The following ENDOV variants were observed in gnomAD, a reference collection of about 807,000 sequenced individuals.
The protein encoded by ENDOV is hEndoV.
ENDOV carries 37 observed loss-of-function variants against 39.4 expected under a neutral mutation model. The observed-to-expected ratio is 0.94, with a 90% CI of 0.72 to 1.23. ENDOV has a LOEUF of 1.23. Ranked by LOEUF, ENDOV falls within the 50% of genes most tolerant of loss-of-function variation. The probability of loss-of-function intolerance (pLI) is 0.00; values close to 1 mark genes in which losing one functional copy is unlikely to be tolerated. For missense variants in ENDOV, 441 were observed against 375.7 expected (o/e 1.17, Z -1.44); for synonymous variants, 186 against 163.4 (o/e 1.14, Z -1.05).
intron 5 of ENDOV, among the ~76,000 whole-genome samples, chr17:80,424,729 G>A (rs2082473057): frequency 6.6e-6 from 1 of 152,192 alleles, no homozygotes; most frequent in South Asian, 2.1e-4. Context: ...GCCGAAGTGG[G>A]TGGATCACGC....
intron 9 of ENDOV, 46 bp from the exon 10 acceptor site, chr17:80,436,087 C>T: frequency 1.9e-6 from 3 of 1,602,386 alleles, no homozygotes; most frequent in Non-Finnish European, 2.6e-6. Context: ...CTCTGAACGC[C>T]TTTTATTTCT....
rs372176181 is a variant in ENDOV at position 80,425,093 on chromosome 17, T to C, written c.578T>C (p.Leu193Pro). 16 of 1,608,718 alleles carry C rather than the reference T, an allele frequency of 9.9e-6. No homozygotes were observed. Among genetic ancestry groups the C allele is most frequent in the African/African-American group, 5.3e-5 (4 of 74,776 alleles). Reference protein sequence around the residue: ...FPLLGDSGTVLGMALRSHDRS... With the variant: ...FPLLGDSGTVPGMALRSHDRS... ...CTGCTGGGAGACTCTGGGACTGTCC[T>C]GGGAATGGTGAGTAGCTAGGGCCCT... Residue 193 changes from leucine (L) to proline (P), a missense_variant, in exon 6 of 10, where the codon CTG becomes CCG. Transcript: ENST00000518137.
intron 9 of ENDOV, among the ~76,000 whole-genome samples, chr17:80,434,996 A>G (rs2083518018): frequency 6.6e-6 from 1 of 152,182 alleles, no homozygotes; most frequent in Non-Finnish European, 1.5e-5. Context: ...CTGATGGCTA[A>G]TGGTGGTGAG....
At chr17:80,422,995 G>A (rs1398359562) in intron 4 of ENDOV, among the ~76,000 whole-genome samples, 1 of 152,096 alleles carries the variant, frequency 6.6e-6, no homozygotes, top group Non-Finnish European at 1.5e-5. Context: ...CACCGCGCCC[G>A]GCCTAGGGAG....
chr17:80,429,177 G>A (rs1245567925), intron 8 of ENDOV, among the ~76,000 whole-genome samples: 1 of 152,228 alleles, frequency 6.6e-6, no homozygotes, highest in East Asian at 1.9e-4. Context: ...ACAGTGCAAG[G>A]CATTGTCTTA....
intron 7 of ENDOV, among the ~76,000 whole-genome samples, chr17:80,426,434 A>G (rs1381066038): frequency 1.3e-5 from 2 of 152,178 alleles, no homozygotes; most frequent in African/African-American, 4.8e-5. Context: ...GGATCACTTG[A>G]GCCCAGGAGT....
At chr17:80,427,480 A>G (rs2082849891) in intron 7 of ENDOV, 1 of 985,474 alleles carries the variant, frequency 1.0e-6, no homozygotes, top group South Asian at 4.7e-5. Flanking sequence ...TAGCACCAGC[A>G]AAGAGCCTGC....
chr17:80,416,318 TA>T (rs1261508680), intron 2 of ENDOV: 1 of 159,202 alleles, frequency 6.3e-6, no homozygotes, highest in African/African-American at 2.4e-5. Flanking sequence ...CTGTGACTAT[TA>T]AGAATCAGCT....
At position 80,429,816 on chromosome 17, in the gene ENDOV, TC is replaced by T. The variant is rs2083183582; in HGVS notation, c.825del (p.Gly276GlufsTer26). On this transcript the variant is annotated frameshift_variant, in exon 9 of 10. Transcript: ENST00000518137. LOFTEE classifies it high-confidence loss of function. ...QRPVACPKGD[S>X]GESSALC is the part of the protein sequence containing the mutation. Reference sequence around the variant, plus strand: ...GCCAGTGGCATGCCCCAAAGGAGACTCCGGAGAGTCCTCAGGTGAGGGCCAG... The same window carrying T: ...GCCAGTGGCATGCCCCAAAGGAGACTCGGAGAGTCCTCAGGTGAGGGCCAG... 6.2e-7 allele frequency: 1 copy of T among 1,612,456 alleles called. No individual in the cohort carries two copies. Among genetic ancestry groups the T allele is most frequent in the Non-Finnish European group, 8.5e-7 (1 of 1,179,762 alleles).
In ENDOV at chr17:80,425,506, C is replaced by T. The variant is rs906831375; in HGVS notation, c.600C>T (p.His200=). ...GTVLGMALRS[H]DRSTRPLYIS... ...CCTTGTCACAGGCCCTGAGGAGCCA[C>T]GACCGCAGCACCAGGCCCCTCTACA... Residue 200 remains histidine (H), a synonymous_variant, in exon 7 of 10, where the codon CAC becomes CAT. Coordinates refer to ENST00000518137, the MANE Select transcript of ENDOV (RefSeq NM_173627.5). The T allele has an allele frequency of 1.4e-5, 23 of 1,598,114 alleles. No homozygotes were observed. The highest frequency in any genetic ancestry group is 5.1e-5 in the Admixed American group (3 of 58,694).
At chr17:80,422,386 CG>C in intron 4 of ENDOV, 141 bp downstream of exon 4, 1 of 1,012,458 alleles carries the variant, frequency 9.9e-7, no homozygotes, top group Non-Finnish European at 1.5e-6. Flanking sequence ...CTCGGCGCAA[CG>C]GGGACGCGCA....
intron 4 of ENDOV, 79 bp from the exon 5 acceptor site, chr17:80,423,441 G>A: frequency 7.2e-7 from 1 of 1,385,596 alleles, no homozygotes; most frequent in Non-Finnish European, 9.8e-7. Context: ...GAAGCTTTTG[G>A]TAAGACTGGC....
At chr17:80,421,998 C>T in intron 3 of ENDOV, 36 bp downstream of exon 3, 8 of 1,600,746 alleles carry the variant, frequency 5.0e-6, no homozygotes, top group Non-Finnish European at 6.8e-6. Flanking sequence ...AGAAAGGTCC[C>T]TCCTTCCCCC....
At position 80,415,771 on chromosome 17, in the gene ENDOV, A is replaced by G. The variant is rs1433162614; in HGVS notation, c.178A>G (p.Ser60Gly). The G allele has an allele frequency of 8.1e-6, 13 of 1,605,170 alleles. No individual in the cohort carries two copies. The highest frequency in any genetic ancestry group is 1.1e-5 in the Non-Finnish European group (13 of 1,176,054). The change falls in exon 2 of 10, where the codon AGT becomes GGT. Residue 60 changes from serine (S) to glycine (G), a missense_variant. Coordinates refer to ENST00000518137, the MANE Select transcript of ENDOV (RefSeq NM_173627.5). ...GVDVSFVKGD[S>G]VRACASLVVL... ...TGACGTGTCCTTCGTGAAAGGGGAC[A>G]GTGTCCGCGCTTGTGCTTCCCTGGT...
chr17:80,430,453 G>T (rs1838613425), intron 9 of ENDOV: 1 of 1,242,656 alleles, frequency 8.0e-7, no homozygotes, highest in Non-Finnish European at 1.1e-6. Flanking sequence ...CATTTTTAAA[G>T]CAGGTCCTCA....
At chr17:80,415,284 G>A (rs1188811083) in intron 1 of ENDOV, 34 bp downstream of exon 1, 2 of 1,610,608 alleles carry the variant, frequency 1.2e-6, no homozygotes, top group Admixed American at 1.7e-5. Flanking sequence ...GGAGGCGGGG[G>A]CCGAGGCCGG....
rs370224076 is a variant in ENDOV at position 80,425,496 on chromosome 17, T to C, written c.590T>C (p.Leu197Pro). The change falls in exon 7 of 10, where the codon CTG (leucine) becomes CCG (proline). Residue 197 changes from leucine to proline, a missense_variant. By Grantham distance (98) the Leu-to-Pro change is moderately conservative. Coordinates refer to ENST00000518137, the MANE Select transcript of ENDOV (RefSeq NM_173627.5). ...CCCTCGCCTTCCTTGTCACAGGCCCTGAGGAGCCACGACCGCAGCACCAGG... is the reference window on the plus strand; with the variant it reads ...CCCTCGCCTTCCTTGTCACAGGCCCCGAGGAGCCACGACCGCAGCACCAGG... ...GDSGTVLGMA[L>P]RSHDRSTRPL... The C allele has an allele frequency of 6.9e-6, 11 of 1,596,544 alleles. No individual in the cohort carries two copies. In the African/African-American group the frequency reaches 1.2e-4, roughly 17 times the overall value.
rs193005374 is a variant in ENDOV, at chr17:80,436,367, G to A, written c.*224G>A. The A allele has an allele frequency of 7.1e-5, 106 of 1,484,674 alleles. 1 individual carries two copies. In the African/African-American group the frequency reaches 1.3e-3, roughly 18 times the overall value. 92.0% of individuals were successfully genotyped at this position (1,484,674 alleles called of 1,614,324 possible). A position where few individuals can be genotyped will look rare whatever the true frequency, so the allele number is the denominator to read the frequency against. On this transcript the variant is annotated 3_prime_UTR_variant, in exon 10 of 10. Transcript: ENST00000518137. ...GTCTTGTTCCTGATCTTAAGGGAAC[G>A]TTTGCAGTCTTTCACCACTAGATGT...
chr17:80,426,580 G>A (rs182476139), intron 7 of ENDOV, among the ~76,000 whole-genome samples: 2 of 152,360 alleles, frequency 1.3e-5, no homozygotes, highest in African/African-American at 4.8e-5. Flanking sequence ...GAGCCCAGGA[G>A]GTCGAGGCTG....
Sources: allele counts gnomAD v4.1 joint callset (sites outside exome capture counted in the v4.1 genomes callset), GRCh38; gene constraint gnomAD v4.1.1; transcripts MANE v1.5; gene names NCBI Gene and HGNC (gene_info 2026-07-23, HGNC 2026-07-21).